Variants in TBCD observed in about 807,000 individuals in gnomAD.
TBCD encodes the protein tubulin folding cofactor D, also known as tubulin-specific chaperone D.
TBCD carries 105 observed loss-of-function variants against 169.3 expected under a neutral mutation model. The observed-to-expected ratio is 0.62, with a 90% CI of 0.53 to 0.73. The LOEUF is 0.73. Among genes scored for constraint, TBCD ranks in the 30% least tolerant of loss-of-function variants. The pLI, the probability that TBCD is intolerant of heterozygous loss-of-function variation, is 0.00. For missense variants in TBCD, 1,444 were observed against 1,600.1 expected (o/e 0.90, Z 1.66); for synonymous variants, 700 against 643.9 (o/e 1.09, Z -1.32).
chr17:82,831,903 T>G lies in TBCD; in HGVS notation c.1318+16969T>G, dbSNP rs2053550301. 2 of 1,613,976 alleles carry G rather than the reference T, an allele frequency of 1.2e-6. No homozygotes were observed. The highest frequency in any genetic ancestry group is 2.7e-5 in the African/African-American group (2 of 74,898). ...ACACGGCCTTGGCAGTGGGGTTGTG[T>G]AAAGCCAGTGTCTCGGGCGCCTCGG... is the stretch of plus-strand genomic sequence containing the variant. On this transcript the variant is annotated intron_variant, in intron 13 of 38. Transcript: ENST00000355528. The surrounding 1 kb of genome is among the most constrained non-coding windows in gnomAD (Gnocchi z 4.6).
chr17:82,908,691 C>T (rs898573366), intron 21 of TBCD, among the ~76,000 whole-genome samples: 3 of 152,206 alleles, frequency 2.0e-5, no homozygotes, highest in Non-Finnish European at 2.9e-5. Flanking sequence ...AGAGTGCAGA[C>T]GGGGAGGTGG....
At chr17:82,805,167 C>CT (rs1298756649) in intron 9 of TBCD, among the ~76,000 whole-genome samples, 2 of 152,256 alleles carry the variant, frequency 1.3e-5, no homozygotes, top group South Asian at 2.1e-4. Flanking sequence ...AGCGCAGACT[C>CT]TGACGGCTCC....
chr17:82,920,498 G>C lies in TBCD; in HGVS notation c.2039-58G>C. The C allele has an allele frequency of 6.9e-7, 1 of 1,457,130 alleles. No homozygotes were observed. The highest frequency in any genetic ancestry group is 9.3e-7 in the Non-Finnish European group (1 of 1,079,188). The allele number at this position is 1,457,130 out of a possible 1,614,324, so 90.3% of individuals were successfully genotyped here. On this transcript the variant is annotated intron_variant, in intron 23 of 38. Coordinates refer to ENST00000355528, the MANE Select transcript of TBCD (RefSeq NM_005993.5). This position sits in a 1 kb window ranked among gnomAD's most constrained non-coding sequence, Gnocchi z 4.1. ...CAGAATGTGGCAAAGGCAAGCCGCT[G>C]TGGCAGGCGCTTTTAGAAAAGTAAC...
At chr17:82,896,890 T>C (rs2059527339) in intron 17 of TBCD, among the ~76,000 whole-genome samples, 1 of 151,956 alleles carries the variant, frequency 6.6e-6, no homozygotes, top group Non-Finnish European at 1.5e-5. Flanking sequence ...TCTTTCAAGC[T>C]CGGGGTCCGG....
intron 17 of TBCD, among the ~76,000 whole-genome samples, chr17:82,899,263 G>A (rs142047442): frequency 1.8e-4 from 26 of 146,290 alleles, no homozygotes; most frequent in Non-Finnish European, 1.5e-4. Context: ...TCCTCAGCGT[G>A]CGTGTCCTCA....
rs1271602848 is a variant in TBCD at position 82,884,637 on chromosome 17, C to T, written c.1533+435C>T. ...CAGTGGTCAGCTCTGCTTCACCCGC[C>T]ACACTCGCCTGGGCCTTGCTGGATG... On this transcript the variant is annotated intron_variant, in intron 15 of 38. Coordinates refer to ENST00000355528, the MANE Select transcript of TBCD (RefSeq NM_005993.5). This position sits in a 1 kb window ranked among gnomAD's most constrained non-coding sequence, Gnocchi z 4.2. Among the ~76,000 whole-genome samples, 1 of 152,168 alleles carries T rather than the reference C, an allele frequency of 6.6e-6. No individual in the cohort carries two copies. Among genetic ancestry groups the T allele is most frequent in the Admixed American group, 6.5e-5 (1 of 15,288 alleles).
intron 33 of TBCD, chr17:82,932,065 C>T (rs1017984108): frequency 5.0e-5 from 8 of 159,692 alleles, no homozygotes; most frequent in East Asian, 1.9e-4. Flanking sequence ...TGTCCTTTCA[C>T]GCACCGAGCG....
intron 14 of TBCD, among the ~76,000 whole-genome samples, chr17:82,873,844 G>A (rs1259135622): frequency 6.6e-6 from 1 of 152,190 alleles, no homozygotes; most frequent in Admixed American, 6.5e-5. Context: ...AGAGGCTGGG[G>A]CCACTCAGTG....
intron 3 of TBCD, among the ~76,000 whole-genome samples, chr17:82,765,921 T>G (rs1812320991): frequency 6.6e-6 from 1 of 152,172 alleles, no homozygotes; most frequent in Non-Finnish European, 1.5e-5. Flanking sequence ...TCTCAAATGA[T>G]TCTCCCTCCT....
At chr17:82,834,554 A>G (rs2053801776) in intron 13 of TBCD, among the ~76,000 whole-genome samples, 1 of 152,208 alleles carries the variant, frequency 6.6e-6, no homozygotes, top group Non-Finnish European at 1.5e-5. Context: ...GAACGCGATC[A>G]TGTCCTTCGC....
intron 22 of TBCD, 107 bp from the exon 23 acceptor site, chr17:82,911,651 C>A (rs966993337): frequency 7.1e-6 from 8 of 1,130,918 alleles, no homozygotes; most frequent in South Asian, 1.3e-5. Context: ...TCAACTAGTT[C>A]TCATTTTAAT....
chr17:82,809,838 G>T, intron 12 of TBCD, 56 bp downstream of exon 12: 1 of 1,540,908 alleles, frequency 6.5e-7, no homozygotes, highest in Non-Finnish European at 8.9e-7. Context: ...GAGAAGCCCT[G>T]GCTTTCCTTA....
intron 13 of TBCD, chr17:82,830,469 GC>G: frequency 6.2e-7 from 1 of 1,612,866 alleles, no homozygotes; most frequent in Non-Finnish European, 8.5e-7. Context: ...GAGCCTCCTC[GC>G]CGGGGCCTGT....
At chr17:82,909,052 CCTCT>C (rs1164137059) in intron 21 of TBCD, among the ~76,000 whole-genome samples, 1 of 152,214 alleles carries the variant, frequency 6.6e-6, no homozygotes, top group African/African-American at 2.4e-5. Context: ...CCCTCTCCTC[CCTCT>C]CTCTGTGCCT....
intron 17 of TBCD, among the ~76,000 whole-genome samples, chr17:82,899,900 TTTTA>T (rs1262060485): frequency 1.3e-5 from 2 of 152,248 alleles, no homozygotes; most frequent in African/African-American, 2.4e-5. Flanking sequence ...TTTATTGGCC[TTTTA>T]TTTATTTTCT....
chr17:82,927,355 C>G (rs764601206), intron 29 of TBCD, 32 bp downstream of exon 29: 7 of 1,604,276 alleles, frequency 4.4e-6, no homozygotes, highest in Non-Finnish European at 5.1e-6. Context: ...AGCGCTTCTT[C>G]TGAGAAGCCC....
intron 23 of TBCD, chr17:82,918,513 A>G (rs2061214326): frequency 6.6e-6 from 1 of 152,138 alleles, no homozygotes; most frequent in African/African-American, 2.4e-5. Context: ...GTTTTACCAG[A>G]GTGTGTTCGA....
chr17:82,863,451 G>C (rs909581759), intron 13 of TBCD, among the ~76,000 whole-genome samples: 1 of 152,226 alleles, frequency 6.6e-6, no homozygotes, highest in African/African-American at 2.4e-5. Flanking sequence ...GGCTTAAGCA[G>C]TTCTGAAAAA....
intron 21 of TBCD, 36 bp downstream of exon 21, chr17:82,907,857 C>T (rs752619401): frequency 1.9e-5 from 31 of 1,603,040 alleles, no homozygotes; most frequent in Admixed American, 3.4e-5. Context: ...CCTCAGGAGG[C>T]ATCACAGGAC....
Sources: allele counts gnomAD v4.1 joint callset (sites outside exome capture counted in the v4.1 genomes callset), GRCh38; gene constraint gnomAD v4.1.1; non-coding constraint Gnocchi (gnomAD v3.1); transcripts MANE v1.5; gene names NCBI Gene and HGNC (gene_info 2026-07-23, HGNC 2026-07-21).